Variants in ZRANB3 observed in about 807,000 individuals in gnomAD.
ZRANB3 encodes zinc finger RANBP2-type containing 3.
Under a neutral mutation model 133.8 loss-of-function variants are expected in ZRANB3, and 125 were observed. The ratio of observed to expected loss-of-function variants is 0.93; its 90% CI spans 0.81 to 1.08. ZRANB3 has a LOEUF of 1.08. ZRANB3 is among the 50% of genes least tolerant of loss of function. The pLI is 0.00. For synonymous variants in ZRANB3, 387 were observed against 432.7 expected (o/e 0.89, Z 1.31); for missense variants, 1,229 against 1,275.5 (o/e 0.96, Z 0.56).
chr2:135,483,271 A>G (rs1194731266), intron 2 of ZRANB3, among the ~76,000 whole-genome samples: 2 of 152,136 alleles, frequency 1.3e-5, no homozygotes, highest in Admixed American at 1.3e-4. Flanking sequence ...TTGGTAAGCT[A>G]TTGATTATTG....
At chr2:135,421,151 A>T (rs1273388662) in intron 2 of ZRANB3, among the ~76,000 whole-genome samples, 1 of 152,202 alleles carries the variant, frequency 6.6e-6, no homozygotes, top group Non-Finnish European at 1.5e-5. Flanking sequence ...ATTACAATTG[A>T]AGCAATTAAC....
At chr2:135,355,923 A>C (rs1225223325) in intron 3 of ZRANB3, among the ~76,000 whole-genome samples, 1 of 152,184 alleles carries the variant, frequency 6.6e-6, no homozygotes, top group Non-Finnish European at 1.5e-5. Flanking sequence ...CTCTCTCTGC[A>C]ACCCAGATTC....
intron 2 of ZRANB3, among the ~76,000 whole-genome samples, chr2:135,486,751 T>C (rs886412388): frequency 2.6e-5 from 4 of 152,178 alleles, no homozygotes; most frequent in African/African-American, 9.7e-5. Context: ...TGACCTCAGG[T>C]GATCCACCCG....
At chr2:135,297,469 G>A (rs756057696) in intron 8 of ZRANB3, among the ~76,000 whole-genome samples, 3 of 152,160 alleles carry the variant, frequency 2.0e-5, no homozygotes, top group Non-Finnish European at 4.4e-5. Flanking sequence ...TCCAGGTGCC[G>A]TCTGTCACCC....
chr2:135,283,783 G>A (rs766774562), intron 8 of ZRANB3, among the ~76,000 whole-genome samples: 32 of 152,154 alleles, frequency 2.1e-4, no homozygotes, highest in Non-Finnish European at 3.2e-4. Context: ...AGACTTTAAA[G>A]TCTGTATCTT....
chr2:135,240,746 T>G (rs959755212), intron 12 of ZRANB3, among the ~76,000 whole-genome samples: 1 of 152,100 alleles, frequency 6.6e-6, no homozygotes, highest in African/African-American at 2.4e-5. Flanking sequence ...GCCTGGCTAA[T>G]TTTTGTATTT....
chr2:135,233,135 A>C (rs1162101047), intron 12 of ZRANB3, among the ~76,000 whole-genome samples: 1 of 152,252 alleles, frequency 6.6e-6, no homozygotes, highest in Non-Finnish European at 1.5e-5. Context: ...CACGAGAGCT[A>C]TGTGATGAAT....
chr2:135,353,371 T>A, intron 4 of ZRANB3, 79 bp downstream of exon 4: 1 of 959,244 alleles, frequency 1.0e-6, no homozygotes, highest in Non-Finnish European at 1.5e-6. Flanking sequence ...ATTGGTGATA[T>A]TGCATTCTAA....
At chr2:135,488,642 T>C (rs539138536) in intron 2 of ZRANB3, among the ~76,000 whole-genome samples, 18 of 151,526 alleles carry the variant, frequency 1.2e-4, no homozygotes, top group African/African-American at 4.1e-4. Flanking sequence ...AAGCACAATA[T>C]ATGCAAAGCA....
chr2:135,352,548 C>T (rs11898264), intron 4 of ZRANB3, among the ~76,000 whole-genome samples: 9,402 of 151,732 alleles, frequency 0.062, 576 homozygotes, highest in African/African-American at 0.16. Context: ...TTTCTTGGGC[C>T]CATAAAGATA....
chr2:135,304,348 A>G (rs993201499), intron 8 of ZRANB3, among the ~76,000 whole-genome samples: 1 of 152,216 alleles, frequency 6.6e-6, no homozygotes, highest in Non-Finnish European at 1.5e-5. Flanking sequence ...TGAAATAATC[A>G]TATGGTTTTC....
chr2:135,354,770 G>A (rs932367837), intron 3 of ZRANB3, among the ~76,000 whole-genome samples: 6 of 152,206 alleles, frequency 3.9e-5, no homozygotes, highest in African/African-American at 1.2e-4. Flanking sequence ...AGGGGCTGGA[G>A]GTGGGGGAGG....
intron 2 of ZRANB3, among the ~76,000 whole-genome samples, chr2:135,481,385 A>G (rs1691797932): frequency 6.6e-6 from 1 of 151,934 alleles, no homozygotes; most frequent in South Asian, 2.1e-4. Flanking sequence ...GCATTTTTTC[A>G]TGTGTTTTTT....
At chr2:135,510,583 C>A in intron 1 of ZRANB3, 2 of 732,790 alleles carry the variant, frequency 2.7e-6, no homozygotes, top group Non-Finnish European at 4.9e-6. Flanking sequence ...CACTCCAAAT[C>A]CTGCTTTCTG....
chr2:135,373,565 A>C (rs912816327), intron 3 of ZRANB3, among the ~76,000 whole-genome samples: 3 of 152,074 alleles, frequency 2.0e-5, no homozygotes, highest in Non-Finnish European at 2.9e-5. Flanking sequence ...AGGCAGGCGG[A>C]CCACTTGAGG....
At chr2:135,336,159 T>C (rs1306313190) in intron 6 of ZRANB3, among the ~76,000 whole-genome samples, 1 of 152,232 alleles carries the variant, frequency 6.6e-6, no homozygotes, top group Admixed American at 6.5e-5. Flanking sequence ...GAGTAATACT[T>C]CTGCTGTCTG....
Position 135,521,457 on chromosome 2 carries a change from G to A in ZRANB3, c.-8+9670C>T, listed in dbSNP as rs931452949. 3.9e-5 allele frequency among the ~76,000 whole-genome samples: 6 copies of A among 152,256 alleles called. 1 individual carries two copies. In the East Asian group the frequency reaches 5.8e-4, roughly 15 times the overall value. On this transcript the variant is annotated intron_variant, in intron 1 of 20. Coordinates refer to ENST00000264159, the MANE Select transcript of ZRANB3 (RefSeq NM_032143.4). ...TGACAGAGGACAATCGCTTGAACCC[G>A]GGAGGCAGACATTACGGTGAGCCAA...
At chr2:135,481,435 A>G (rs1691800720) in intron 2 of ZRANB3, among the ~76,000 whole-genome samples, 1 of 152,048 alleles carries the variant, frequency 6.6e-6, no homozygotes, top group Admixed American at 6.6e-5. Flanking sequence ...GTCTGTTCAT[A>G]TCCTTTGCCC....
At chr2:135,305,022 G>A (rs1682615598) in intron 8 of ZRANB3, among the ~76,000 whole-genome samples, 1 of 152,032 alleles carries the variant, frequency 6.6e-6, no homozygotes, top group South Asian at 2.1e-4. Context: ...TGTCGCCCAG[G>A]CTGGAATGCA....
Sources: gnomAD v4.1 joint callset for allele counts (sites outside exome capture counted in the v4.1 genomes callset) on GRCh38, gnomAD v4.1.1 for gene constraint, MANE v1.5 for transcripts, NCBI Gene and HGNC (gene_info 2026-07-23, HGNC 2026-07-21) for gene names.